The following MGAT5 variants were observed in gnomAD, a reference collection of about 807,000 sequenced individuals.
The protein encoded by MGAT5 is alpha-1,6-mannosylglycoprotein 6-beta-N-acetylglucosaminyltransferase A.
MGAT5 carries 30 observed loss-of-function variants against 94.3 expected under a neutral mutation model. That is an observed-to-expected ratio of 0.32 (90% CI 0.24 to 0.43). MGAT5 has a LOEUF of 0.43. MGAT5 is among the 20% of genes least tolerant of loss of function. The pLI, the probability that MGAT5 is intolerant of heterozygous loss-of-function variation, is 1.00. For synonymous variants in MGAT5, 310 were observed against 322.9 expected (o/e 0.96, Z 0.43); for missense variants, 691 against 905.5 (o/e 0.76, Z 3.04).
At position 134,415,975 on chromosome 2, in the gene MGAT5, A is replaced by T. The variant is rs1417723963; in HGVS notation, c.1677+2960A>T. Among the ~76,000 whole-genome samples, 11 of 152,102 alleles carry T rather than the reference A, an allele frequency of 7.2e-5. 1 individual carries two copies. Among genetic ancestry groups the T allele is most frequent in the Admixed American group, 7.2e-4 (11 of 15,264 alleles). On this transcript the variant is annotated intron_variant, in intron 12 of 15. Transcript: ENST00000281923. ...GTCTGTATGTCTGTTTTTATGCCAA[A>T]ATCACCTGTACATTTGAAATTAGCT...
At chr2:134,426,402 A>AT (rs1196899702) in intron 13 of MGAT5, among the ~76,000 whole-genome samples, 1 of 152,122 alleles carries the variant, frequency 6.6e-6, no homozygotes, top group Non-Finnish European at 1.5e-5. Flanking sequence ...ATTTTTCTGT[A>AT]TTTTTGGCTT....
chr2:134,453,249 A>G lies in MGAT5; in HGVS notation c.*4402A>G, dbSNP rs1216363088. The G allele has an allele frequency of 2.0e-5, 3 of 152,158 alleles. No homozygotes were observed. The highest frequency in any genetic ancestry group is 7.2e-5 in the African/African-American group (3 of 41,426). 9.4% of individuals were successfully genotyped at this position (152,158 alleles called of 1,614,324 possible). A position where few individuals can be genotyped will look rare whatever the true frequency, so the allele number is the denominator to read the frequency against. On this transcript the variant is annotated 3_prime_UTR_variant, in exon 16 of 16. Coordinates refer to ENST00000281923, the MANE Select transcript of MGAT5 (RefSeq NM_002410.5). ...TTTAGAGTAGCCCAGTTCTCGGCCT[A>G]CCCTGCTGGTTGGGATCTTACTGTA... is the stretch of plus-strand genomic sequence containing the variant.
chr2:134,321,004 G>T (rs1239693870), intron 4 of MGAT5, among the ~76,000 whole-genome samples: 5 of 152,106 alleles, frequency 3.3e-5, no homozygotes, highest in Admixed American at 3.3e-4. Flanking sequence ...TCTTGGAAAT[G>T]AACAGCTCTG....
rs1426737797 is a variant in MGAT5, at chr2:134,448,655, G to A, written c.2034G>A (p.Lys678=). Residue 678 remains lysine (K), a synonymous_variant, in exon 16 of 16, where the codon AAG becomes AAA. Coordinates refer to ENST00000281923, the MANE Select transcript of MGAT5 (RefSeq NM_002410.5). The part of the protein sequence containing the change: ...LNKDKDMLKY[K]VTCQSSELAK... ...CCTTTCTCTTCCTCTTCAGGTACAA[G>A]GTGACCTGCCAAAGCTCAGAGCTGG... The A allele has an allele frequency of 1.2e-6, 2 of 1,614,158 alleles. No homozygotes were observed. The highest frequency in any genetic ancestry group is 1.7e-6 in the Non-Finnish European group (2 of 1,180,014).
At chr2:134,367,378 G>C (rs1169899067) in intron 10 of MGAT5, among the ~76,000 whole-genome samples, 2 of 152,242 alleles carry the variant, frequency 1.3e-5, no homozygotes, top group Non-Finnish European at 2.9e-5. Context: ...TATGTAAGTG[G>C]TTGGCGAACT....
chr2:134,403,569 C>T (rs16830552), intron 11 of MGAT5, among the ~76,000 whole-genome samples: 381 of 152,246 alleles, frequency 2.5e-3, no homozygotes, highest in African/African-American at 8.7e-3. Flanking sequence ...TCACCAAGTA[C>T]GCATTGGACA....
chr2:134,169,419 C>G lies in MGAT5; in HGVS notation c.-143+49128C>G, dbSNP rs866670247. ...ACACACACACACACACACAGACACA[C>G]ACACACACACACACACACACATATA... On this transcript the variant is annotated intron_variant, in intron 1 of 16. Transcript: ENST00000409645. 9.9e-3 allele frequency among the ~76,000 whole-genome samples: 1,481 copies of G among 149,502 alleles called. 13 individuals are homozygous for G. The highest frequency in any genetic ancestry group is 0.016 in the Non-Finnish European group (1,046 of 66,986).
intron 9 of MGAT5, among the ~76,000 whole-genome samples, chr2:134,360,837 C>T (rs757218609): frequency 3.3e-5 from 5 of 152,196 alleles, no homozygotes; most frequent in Non-Finnish European, 5.9e-5. Flanking sequence ...TTCAAAAACG[C>T]AGAAATGAAA....
intron 1 of MGAT5, among the ~76,000 whole-genome samples, chr2:134,143,009 T>C (rs1198248732): frequency 6.7e-6 from 1 of 148,892 alleles, no homozygotes; most frequent in Non-Finnish European, 1.5e-5. Context: ...GGAGGGGGCA[T>C]GGGGGTGGGA....
intron 9 of MGAT5, among the ~76,000 whole-genome samples, chr2:134,354,299 G>A (rs150615609): frequency 2.6e-5 from 4 of 152,156 alleles, no homozygotes; most frequent in Non-Finnish European, 5.9e-5. Context: ...CAGAAATAGA[G>A]TGCTATACTT....
At chr2:134,166,488 C>T (rs1222869206) in intron 1 of MGAT5, among the ~76,000 whole-genome samples, 1 of 152,210 alleles carries the variant, frequency 6.6e-6, no homozygotes, top group East Asian at 1.9e-4. Context: ...TGTGGGCTTT[C>T]TGTTGACTTG....
intron 1 of MGAT5, among the ~76,000 whole-genome samples, chr2:134,224,829 A>G (rs1450349356): frequency 6.6e-6 from 1 of 152,188 alleles, no homozygotes; most frequent in Non-Finnish European, 1.5e-5. Flanking sequence ...CTGTTATCCC[A>G]GCACTTTGGG....
At chr2:134,308,685 A>G (rs572156643) in intron 2 of MGAT5, among the ~76,000 whole-genome samples, 1 of 152,280 alleles carries the variant, frequency 6.6e-6, no homozygotes, top group South Asian at 2.1e-4. Context: ...TTTTTGTAAC[A>G]GCTTTATTGA....
intron 15 of MGAT5, among the ~76,000 whole-genome samples, chr2:134,443,045 G>A (rs1003803696): frequency 6.6e-6 from 1 of 152,150 alleles, no homozygotes; most frequent in Admixed American, 6.5e-5. Context: ...GTGCACCATG[G>A]TCTGAGTTGG....
chr2:134,296,416 T>G (rs1685676101), intron 2 of MGAT5, among the ~76,000 whole-genome samples: 1 of 152,226 alleles, frequency 6.6e-6, no homozygotes. Context: ...CTTTTTATCC[T>G]TGGCTTCAAG....
chr2:134,337,996 T>C (rs1452362431), intron 5 of MGAT5, among the ~76,000 whole-genome samples: 2 of 152,186 alleles, frequency 1.3e-5, no homozygotes, highest in Non-Finnish European at 2.9e-5. Flanking sequence ...TTAACATAGC[T>C]CAGGGCTTTG....
chr2:134,415,075 C>CA (rs1435939468), intron 12 of MGAT5, among the ~76,000 whole-genome samples: 1 of 152,204 alleles, frequency 6.6e-6, no homozygotes, highest in Non-Finnish European at 1.5e-5. Context: ...CTGCAGTGTA[C>CA]ATGCGAGTGC....
chr2:134,195,785 G>A (rs1679466639), intron 1 of MGAT5, among the ~76,000 whole-genome samples: 1 of 152,196 alleles, frequency 6.6e-6, no homozygotes, highest in East Asian at 1.9e-4. Context: ...ACTTCTTAAT[G>A]GCTGGGTAAT....
rs62170039 is a variant in MGAT5, at chr2:134,430,155, C to T, written c.1869+1716C>T. ...GACATCACAGCTCTTGCCGCCATCT[C>T]GGCAGCTCTCTTGAGATCATACTAA... On this transcript the variant is annotated intron_variant, in intron 14 of 15. Transcript: ENST00000281923. Among the ~76,000 whole-genome samples, 20 of 152,324 alleles carry T rather than the reference C, an allele frequency of 1.3e-4. 2 individuals are homozygous for T. Among genetic ancestry groups the T allele is most frequent in the African/African-American group, 3.8e-4 (16 of 41,580 alleles).
Sources: gnomAD v4.1 joint callset for allele counts (sites outside exome capture counted in the v4.1 genomes callset) on GRCh38, gnomAD v4.1.1 for gene constraint, MANE v1.5 for transcripts, NCBI Gene and HGNC (gene_info 2026-07-23, HGNC 2026-07-21) for gene names.